Variants in CELSR1 observed in about 807,000 individuals in gnomAD.
CELSR1 encodes adhesion G protein-coupled receptor C1.
Under a neutral mutation model 249.1 loss-of-function variants are expected in CELSR1, and 110 were observed. The ratio of observed to expected loss-of-function variants is 0.44; its 90% CI spans 0.38 to 0.52. CELSR1 has a LOEUF of 0.52. Among genes scored for constraint, CELSR1 ranks in the 20% least tolerant of loss-of-function variants. The probability of loss-of-function intolerance (pLI) is 0.00; values close to 1 mark genes in which losing one functional copy is unlikely to be tolerated. For synonymous variants in CELSR1, 2,113 were observed against 1,900.0 expected, an observed-to-expected ratio of 1.11 and a Z score of -2.92; for missense variants, 4,109 against 4,296.4, an observed-to-expected ratio of 0.96 and a Z score of 1.22.
intron 1 of CELSR1, among the ~76,000 whole-genome samples, chr22:46,476,602 A>G (rs1460170439): frequency 6.6e-6 from 1 of 152,032 alleles, no homozygotes; most frequent in Admixed American, 6.6e-5. Flanking sequence ...TCTCAAAAAA[A>G]AAAAAAAAAA....
Position 46,526,719 on chromosome 22 carries a change from C to T in CELSR1, c.3544+6908G>A, listed in dbSNP as rs934827138. 1.3e-5 allele frequency among the ~76,000 whole-genome samples: 2 copies of T among 152,176 alleles called. No homozygotes were observed. Among genetic ancestry groups the T allele is most frequent in the Admixed American group, 1.3e-4 (2 of 15,282 alleles). ...GCTCCAGCTCCCAAGCAGACTGTTCCCCACCCAGGAGGCTATTCGGGCCAT... is the reference window on the plus strand; with the variant it reads ...GCTCCAGCTCCCAAGCAGACTGTTCTCCACCCAGGAGGCTATTCGGGCCAT... On this transcript the variant is annotated intron_variant, in intron 1 of 34. Transcript: ENST00000674500. This position sits in a 1 kb window ranked among gnomAD's most constrained non-coding sequence, Gnocchi z 4.7.
chr22:46,433,372 A>T lies in CELSR1; in HGVS notation c.4611+21T>A, dbSNP rs1362230258. 1.3e-6 allele frequency: 2 copies of T among 1,598,484 alleles called. No homozygotes were observed. Among genetic ancestry groups the T allele is most frequent in the Admixed American group, 3.4e-5 (2 of 59,592 alleles). Reference sequence around the variant, plus strand: ...CTCGAGCCGCCCTGGGGCCAGGGGGAAGTGGTGGGGCCCATCTTACCTTGT... The same window carrying T: ...CTCGAGCCGCCCTGGGGCCAGGGGGTAGTGGTGGGGCCCATCTTACCTTGT... On this transcript the variant is annotated intron_variant, in intron 5 of 34. Coordinates refer to ENST00000674500, the MANE Select transcript of CELSR1 (RefSeq NM_001378328.1). This position sits in a 1 kb window ranked among gnomAD's most constrained non-coding sequence, Gnocchi z 5.7.
chr22:46,378,857 GC>G, intron 22 of CELSR1, 140 bp from the exon 23 acceptor site: 1 of 1,122,794 alleles, frequency 8.9e-7, no homozygotes, highest in Non-Finnish European at 1.2e-6. Flanking sequence ...AGTGCTGAAA[GC>G]CCAGCGCCCT....
Position 46,411,486 on chromosome 22 carries a change from A to G in CELSR1, c.4769+116T>C. ...GGATGTCTGACTCTAGCCTGGAATG[A>G]GGTCGCCAGGGCACTGCACCCAGAG... On this transcript the variant is annotated intron_variant, in intron 6 of 34. Transcript: ENST00000674500. This position sits in a 1 kb window ranked among gnomAD's most constrained non-coding sequence, Gnocchi z 4.2. 1 of 1,168,784 alleles carries G rather than the reference A, an allele frequency of 8.6e-7. No individual in the cohort carries two copies. Among genetic ancestry groups the G allele is most frequent in the Non-Finnish European group, 1.2e-6 (1 of 837,992 alleles). 72.4% of individuals were successfully genotyped at this position (1,168,784 alleles called of 1,614,324 possible). A position where few individuals can be genotyped will look rare whatever the true frequency, so the allele number is the denominator to read the frequency against.
intron 1 of CELSR1, chr22:46,481,609 GC>G: frequency 1.4e-6 from 1 of 722,486 alleles, no homozygotes; most frequent in Admixed American, 2.0e-5. Flanking sequence ...CTCCGTGGAG[GC>G]CTGACTGTCC....
chr22:46,366,625 G>T, intron 29 of CELSR1, 145 bp from the exon 30 acceptor site: 1 of 712,636 alleles, frequency 1.4e-6, no homozygotes, highest in Non-Finnish European at 2.4e-6. Context: ...CTGGCCCCAA[G>T]CAGTCAACCC....
rs557252142 is a variant in CELSR1, at chr22:46,406,111, G to C, written c.5226+2885C>G. On this transcript the variant is annotated intron_variant, in intron 9 of 34. Coordinates refer to ENST00000674500, the MANE Select transcript of CELSR1 (RefSeq NM_001378328.1). This position sits in a 1 kb window ranked among gnomAD's most constrained non-coding sequence, Gnocchi z 5.4. The stretch of plus-strand genomic sequence containing the variant: ...TTCCAGCACCATTCCTACTGAAAGC[G>C]CACTTTTTTCCTACAGAGACCCCAC... Among the ~76,000 whole-genome samples the C allele has an allele frequency of 6.6e-6, 1 of 152,176 alleles. No homozygotes were observed. The highest frequency in any genetic ancestry group is 1.5e-5 in the Non-Finnish European group (1 of 68,044).
At chr22:46,375,120 G>T (rs558656102) in intron 24 of CELSR1, among the ~76,000 whole-genome samples, 2 of 152,300 alleles carry the variant, frequency 1.3e-5, no homozygotes, top group East Asian at 3.9e-4. Flanking sequence ...AAAAAAGGAG[G>T]AGCAGCTCAG....
chr22:46,450,612 A>G (rs1315409022), intron 2 of CELSR1, among the ~76,000 whole-genome samples: 1 of 152,220 alleles, frequency 6.6e-6, no homozygotes, highest in Non-Finnish European at 1.5e-5. Flanking sequence ...CATCTGCCTT[A>G]ATGTCCACAC....
chr22:46,449,091 AATCCATCCACCCATCCATTGTTC>A (rs1240977330), intron 2 of CELSR1, among the ~76,000 whole-genome samples: 17 of 146,776 alleles, frequency 1.2e-4, no homozygotes, highest in African/African-American at 4.1e-4. Flanking sequence ...TTCACCCATG[AATCCATCCACCCATCCATTGTTC>A]ATCCACCCAC....
At chr22:46,458,278 C>T (rs1385830038) in intron 2 of CELSR1, among the ~76,000 whole-genome samples, 1 of 152,158 alleles carries the variant, frequency 6.6e-6, no homozygotes, top group East Asian at 1.9e-4. Context: ...GGCCCAGTGA[C>T]TGCACTTTAT....
chr22:46,378,646 C>T lies in CELSR1; in HGVS notation c.7328G>A (p.Cys2443Tyr). 1.2e-6 allele frequency: 2 copies of T among 1,607,062 alleles called. No homozygotes were observed. ...AAAGCTGGCTGTGTGGCTGCACTGG[C>T]AGGCGACATGTGTCCGGTTCCTGGA... ...LLSRNRTHVA[C>Y]QCSHTASFAV... The change falls in exon 23 of 35, where the codon TGC becomes TAC. Residue 2443 changes from cysteine (C) to tyrosine (Y), a missense_variant. By Grantham distance (194) the Cys-to-Tyr change is radical (BLOSUM62 -2). This residue lies in a region of CELSR1 where 1,805 missense variants were observed against 1,831.6 expected (regional missense o/e 0.99). Coordinates refer to ENST00000674500, the MANE Select transcript of CELSR1 (RefSeq NM_001378328.1).
intron 25 of CELSR1, among the ~76,000 whole-genome samples, chr22:46,372,525 C>G (rs1190101449): frequency 1.4e-5 from 2 of 141,428 alleles, no homozygotes; most frequent in Non-Finnish European, 3.1e-5. Flanking sequence ...CCCACCCATT[C>G]ATCCTCTCAC....
In CELSR1 at chr22:46,396,665, G is replaced by T. The variant is rs750403958; in HGVS notation, c.5783C>A (p.Ser1928Tyr). Residue 1928 changes from serine to tyrosine, a missense_variant, in exon 13 of 35, where the codon TCC (serine) becomes TAC (tyrosine). Physicochemically the swap from Ser to Tyr is moderately radical, Grantham distance 144. This residue lies in a region of CELSR1 where 1,805 missense variants were observed against 1,831.6 expected (regional missense o/e 0.99). Transcript: ENST00000674500. The surrounding 1 kb of genome is among the most constrained non-coding windows in gnomAD (Gnocchi z 6.4). ...ACACTCGCACACGTAGCCCTGCGGGGAGCCGGGGGAGCGCACGCAGGCCCC... is the reference window on the plus strand; with the variant it reads ...ACACTCGCACACGTAGCCCTGCGGGTAGCCGGGGGAGCGCACGCAGGCCCC... Reference protein sequence around the residue: ...NMGACVRSPGSPQGYVCECGP... With the variant: ...NMGACVRSPGYPQGYVCECGP... The T allele has an allele frequency of 6.2e-7, 1 of 1,612,606 alleles. No homozygotes were observed. Among genetic ancestry groups the T allele is most frequent in the Non-Finnish European group, 8.5e-7 (1 of 1,179,392 alleles).
At chr22:46,373,809 T>C (rs2078888060) in intron 24 of CELSR1, among the ~76,000 whole-genome samples, 1 of 151,954 alleles carries the variant, frequency 6.6e-6, no homozygotes, top group Admixed American at 6.6e-5. Context: ...CACTGTCTAA[T>C]CCTCAGCAGC....
chr22:46,394,245 G>A lies in CELSR1; in HGVS notation c.5861C>T (p.Pro1954Leu), dbSNP rs138703288. Reference sequence around the variant, plus strand: ...GACGGGGTTCCCCCACCAGCCTCTGGGGCACGGAAGGTCGAGTCTGTGGGG... The same window carrying A: ...GACGGGGTTCCCCCACCAGCCTCTGAGGCACGGAAGGTCGAGTCTGTGGGG... ...YCENKLDLPC[P>L]RGWWGNPVCG... is the part of the protein sequence containing the mutation. The change falls in exon 14 of 35, where the codon CCC (proline) becomes CTC (leucine). Residue 1954 changes from proline to leucine, a missense_variant. Physicochemically the swap from Pro to Leu is moderately conservative, Grantham distance 98. Around this residue, in one of 7 missense-constraint regions of CELSR1, gnomAD observed 1,805 missense variants for 1,831.6 expected, o/e 0.99. Transcript: ENST00000674500. 3,102 of 1,613,626 alleles carry A rather than the reference G, an allele frequency of 1.9e-3. 7 individuals carry two copies. Among genetic ancestry groups the A allele is most frequent in the Non-Finnish European group, 2.4e-3 (2,831 of 1,179,796 alleles).
At chr22:46,455,867 T>C (rs1163082588) in intron 2 of CELSR1, among the ~76,000 whole-genome samples, 2 of 152,294 alleles carry the variant, frequency 1.3e-5, no homozygotes, top group South Asian at 2.1e-4. Context: ...AAGATTTTTA[T>C]AGAAAACAGT....
At chr22:46,511,917 A>G (rs942606924) in intron 1 of CELSR1, among the ~76,000 whole-genome samples, 11 of 152,176 alleles carry the variant, frequency 7.2e-5, no homozygotes, top group African/African-American at 2.4e-4. Context: ...CATCCCAGGC[A>G]CTAGGTAAGA....
Position 46,437,368 on chromosome 22 carries a change from C to T in CELSR1, c.4407-1079G>A, listed in dbSNP as rs1338521495. Among the ~76,000 whole-genome samples the T allele has an allele frequency of 6.6e-6, 1 of 152,218 alleles. No homozygotes were observed. The highest frequency in any genetic ancestry group is 2.4e-5 in the African/African-American group (1 of 41,454). On this transcript the variant is annotated intron_variant, in intron 3 of 34. Coordinates refer to ENST00000674500, the MANE Select transcript of CELSR1 (RefSeq NM_001378328.1). The surrounding 1 kb of genome is among the most constrained non-coding windows in gnomAD (Gnocchi z 4.9). ...CATCAGAGATACACGGCAGGAACTC[C>T]TTTTAACCTAAGGTTGGTTTATCCA...
Sources: gnomAD v4.1 joint callset for allele counts (sites outside exome capture counted in the v4.1 genomes callset) on GRCh38, gnomAD v4.1.1 for gene constraint, gnomAD v4.1.1 regional missense constraint, Gnocchi (gnomAD v3.1) non-coding constraint, MANE v1.5 for transcripts, NCBI Gene and HGNC (gene_info 2026-07-23, HGNC 2026-07-21) for gene names.